The following CYFIP1 variants were observed in gnomAD, a reference collection of about 807,000 sequenced individuals.
CYFIP1 encodes cytoplasmic FMR1-interacting protein 1.
Under a neutral mutation model 163.5 loss-of-function variants are expected in CYFIP1, and 58 were observed. The ratio of observed to expected loss-of-function variants is 0.35; its 90% CI spans 0.29 to 0.44. The LOEUF is 0.44. CYFIP1 is among the 20% of genes least tolerant of loss of function. CYFIP1 has a pLI of 1.00. For synonymous variants in CYFIP1, 663 were observed against 660.7 expected, an observed-to-expected ratio of 1.00 and a Z score of -0.05; for missense variants, 1,338 against 1,653.8, an observed-to-expected ratio of 0.81 and a Z score of 3.31.
chr15:22,931,330 G>A (rs1018062718), intron 11 of CYFIP1, among the ~76,000 whole-genome samples: 1 of 152,120 alleles, frequency 6.6e-6, no homozygotes, highest in African/African-American at 2.4e-5. Context: ...GAATGGGAGT[G>A]GCCAAAATGA....
At chr15:22,979,079 C>T (rs988750543) in intron 1 of CYFIP1, among the ~76,000 whole-genome samples, 3 of 152,202 alleles carry the variant, frequency 2.0e-5, no homozygotes, top group African/African-American at 7.2e-5. Flanking sequence ...ACGCAGGAAA[C>T]GTCCTCCGCC....
At position 22,870,765 on chromosome 15, in the gene CYFIP1, T is replaced by C. The variant is rs550760473; in HGVS notation, c.3598-573A>G. ...TGGCAATTAAGAACCTACTGTCTGC[T>C]CAAAGCTGGGGATCTCCAGATGAAG... On this transcript the variant is annotated intron_variant, in intron 30 of 30. Transcript: ENST00000617928. Among the ~76,000 whole-genome samples the C allele has an allele frequency of 2.0e-5, 3 of 152,302 alleles. 1 individual carries two copies. The highest frequency in any genetic ancestry group is 7.2e-5 in the African/African-American group (3 of 41,580).
chr15:22,924,000 T>C (rs1190892970), intron 13 of CYFIP1, among the ~76,000 whole-genome samples: 1 of 141,054 alleles, frequency 7.1e-6, no homozygotes, highest in Admixed American at 7.1e-5. Context: ...TTCATAGTAG[T>C]GAAAAGGTAG....
Position 22,874,659 on chromosome 15 carries a change from A to G in CYFIP1, c.3116-15T>C, listed in dbSNP as rs368214850. 1 of 1,535,820 alleles carries G rather than the reference A, an allele frequency of 6.5e-7. No individual in the cohort carries two copies. Among genetic ancestry groups the G allele is most frequent in the Non-Finnish European group, 8.8e-7 (1 of 1,133,448 alleles). On this transcript the variant is annotated splice_polypyrimidine_tract_variant and intron_variant, in intron 27 of 30. Transcript: ENST00000617928. ...TCTCTCCCCCTCTGCAGTAGAAAAA[A>G]TATTTTACTATATTCTGCTCCTTTG...
Position 22,868,260 on chromosome 15 carries a change from G to GTATC in CYFIP1, c.*1764_*1767dup, listed in dbSNP as rs1175445764. The GTATC allele has an allele frequency of 1.3e-5, 2 of 151,932 alleles. No homozygotes were observed. The highest frequency in any genetic ancestry group is 2.9e-5 in the Non-Finnish European group (2 of 67,996). The allele number at this position is 151,932 out of a possible 1,614,324, so 9.4% of individuals were successfully genotyped here. A position where few individuals can be genotyped will look rare whatever the true frequency, so the allele number is the denominator to read the frequency against. Reference sequence around the variant, plus strand: ...CATTTTAATACTACAGATGTACTACGTATCTGTTTATATACTGTACCTACA... The same window carrying GTATC: ...CATTTTAATACTACAGATGTACTACGTATCTATCTGTTTATATACTGTACCTACA... On this transcript the variant is annotated 3_prime_UTR_variant, in exon 31 of 31. Transcript: ENST00000617928.
chr15:22,962,656 G>C (rs55857208), intron 1 of CYFIP1, among the ~76,000 whole-genome samples: 10,801 of 151,466 alleles, frequency 0.071, 538 homozygotes, highest in East Asian at 0.17. Flanking sequence ...CACCAGCCTC[G>C]GCCTCCCAAA....
At chr15:22,975,696 T>G (rs1380828569) in intron 1 of CYFIP1, among the ~76,000 whole-genome samples, 1 of 152,018 alleles carries the variant, frequency 6.6e-6, no homozygotes. Flanking sequence ...GAGGCAGAGG[T>G]TGCAGTGTGC....
At chr15:22,953,147 G>T (rs1375364721) in intron 1 of CYFIP1, among the ~76,000 whole-genome samples, 1 of 152,236 alleles carries the variant, frequency 6.6e-6, no homozygotes, top group African/African-American at 2.4e-5. Context: ...GGCGGACTTG[G>T]AGTAATCAGC....
chr15:22,916,937 C>A (rs147270243), intron 15 of CYFIP1: 1 of 1,551,706 alleles, frequency 6.4e-7, no homozygotes, highest in South Asian at 1.2e-5. Flanking sequence ...ACGTGTTAAC[C>A]GCATGCAAGA....
chr15:22,921,063 A>G (rs2061159831), intron 13 of CYFIP1, among the ~76,000 whole-genome samples: 1 of 152,122 alleles, frequency 6.6e-6, no homozygotes, highest in Non-Finnish European at 1.5e-5. Context: ...AACCCCCCCA[A>G]AATCGAAGAA....
In CYFIP1 at chr15:22,879,991, C is replaced by T; in HGVS notation, c.2964G>A (p.Glu988=). The T allele has an allele frequency of 6.2e-7, 1 of 1,614,022 alleles. No homozygotes were observed. Among genetic ancestry groups the T allele is most frequent in the South Asian group, 1.1e-5 (1 of 91,090 alleles). ...HQLKDIVEYA[E]LKTVCFQNLR... is the part of the protein sequence containing the mutation. ...GGTTCTGGAAGCACACCGTCTTCAG[C>T]TCTGCGTACTCCACGATGTCCTTCA... The change falls in exon 26 of 31, where the codon GAG becomes GAA. Residue 988 remains glutamate (E), a synonymous_variant. Coordinates refer to ENST00000617928, the MANE Select transcript of CYFIP1 (RefSeq NM_014608.6).
At chr15:22,894,113 G>A (rs1219866905) in intron 22 of CYFIP1, among the ~76,000 whole-genome samples, 1 of 151,934 alleles carries the variant, frequency 6.6e-6, no homozygotes, top group Non-Finnish European at 1.5e-5. Context: ...GTCCACCTCC[G>A]ATGGTGACAC....
rs35881374 is a variant in CYFIP1 at position 22,934,485 on chromosome 15, C to CTTT, written c.901-595_901-593dup. Among the ~76,000 whole-genome samples, 252 of 49,828 alleles carry CTTT rather than the reference C, an allele frequency of 5.1e-3. 52 individuals are homozygous for CTTT. Among genetic ancestry groups the CTTT allele is most frequent in the African/African-American group, 0.018 (222 of 12,270 alleles). The allele number at this position is 49,828 out of a possible 152,430, so 32.7% of individuals were successfully genotyped here. ...CAGGCGTGAACCACCGCACCCAGCCCTTTTTTTTTTTTTTTTTTTTTTTTT... is the reference window on the plus strand; with the variant it reads ...CAGGCGTGAACCACCGCACCCAGCCCTTTTTTTTTTTTTTTTTTTTTTTTTTTT... On this transcript the variant is annotated intron_variant, in intron 9 of 30. Transcript: ENST00000617928.
Position 22,875,207 on chromosome 15 carries a change from T to C in CYFIP1, c.3107A>G (p.His1036Arg). The change falls in exon 27 of 31, where the codon CAT becomes CGT. Residue 1036 changes from histidine to arginine, a missense_variant. Around this residue, in one of 4 missense-constraint regions of CYFIP1, gnomAD observed 306 missense variants for 322.1 expected, o/e 0.95. Coordinates refer to ENST00000617928, the MANE Select transcript of CYFIP1 (RefSeq NM_014608.6). ...APFQNILPRV[H>R]VKEGERLDAK... is the part of the protein sequence containing the mutation. ...GGGGTCAGCAGGCTCACCTTTCACA[T>C]GGACTCGCGGCAAGATGTTCTGGAA... 1 of 1,613,990 alleles carries C rather than the reference T, an allele frequency of 6.2e-7. No individual in the cohort carries two copies. Among genetic ancestry groups the C allele is most frequent in the East Asian group, 2.2e-5 (1 of 44,862 alleles).
At chr15:22,936,094 A>T (rs955924359) in intron 9 of CYFIP1, among the ~76,000 whole-genome samples, 2 of 152,096 alleles carry the variant, frequency 1.3e-5, no homozygotes, top group African/African-American at 4.8e-5. Flanking sequence ...CAACATAGGG[A>T]GATCTCGTTG....
rs964519627 is a variant in CYFIP1, at chr15:22,868,369, A to AAAT, written c.*1656_*1658dup. On this transcript the variant is annotated 3_prime_UTR_variant, in exon 31 of 31. Coordinates refer to ENST00000617928, the MANE Select transcript of CYFIP1 (RefSeq NM_014608.6). ...GAACATGCATAGGTTAATAAATAAT[A>AAAT]AATTCTTATTTAACATTTTGTAGCA... 6.6e-6 allele frequency: 1 copy of AAAT among 152,160 alleles called. No homozygotes were observed. The highest frequency in any genetic ancestry group is 2.4e-5 in the African/African-American group (1 of 41,422). 9.4% of individuals were successfully genotyped at this position (152,160 alleles called of 1,614,324 possible).
Position 22,978,352 on chromosome 15 carries a change from CAAAAAAAAAAAAAAAAAA to C in CYFIP1, c.-7+1917_-7+1934del, listed in dbSNP as rs397976366. ...GGGCCACAGAGTTAAGACTCTGTCA[CAAAAAAAAAAAAAAAAAA>C]AAAAAAAAAAAAGGAATACTATACG... On this transcript the variant is annotated intron_variant, in intron 1 of 30. Coordinates refer to ENST00000617928, the MANE Select transcript of CYFIP1 (RefSeq NM_014608.6). Among the ~76,000 whole-genome samples, 7 of 52,774 alleles carry C rather than the reference CAAAAAAAAAAAAAAAAAA, an allele frequency of 1.3e-4. No homozygotes were observed. In the South Asian group the frequency reaches 5.8e-3, roughly 44 times the overall value. 34.6% of individuals were successfully genotyped at this position (52,774 alleles called of 152,430 possible).
intron 23 of CYFIP1, among the ~76,000 whole-genome samples, chr15:22,884,493 C>T (rs191843181): frequency 3.3e-5 from 5 of 152,324 alleles, no homozygotes; most frequent in African/African-American, 4.8e-5. Context: ...CCAGGTCACA[C>T]TGATGTAAGA....
intron 13 of CYFIP1, among the ~76,000 whole-genome samples, chr15:22,924,076 A>G (rs564761484): frequency 1.1e-4 from 16 of 152,158 alleles, no homozygotes; most frequent in Non-Finnish European, 2.1e-4. Flanking sequence ...ATGTAATGCA[A>G]TATTATTCAG....
Sources: gnomAD v4.1 joint callset for allele counts (sites outside exome capture counted in the v4.1 genomes callset) on GRCh38, gnomAD v4.1.1 for gene constraint, gnomAD v4.1.1 regional missense constraint, MANE v1.5 for transcripts, NCBI Gene and HGNC (gene_info 2026-07-23, HGNC 2026-07-21) for gene names.